MKLN1: variants seen among roughly 807,000 people sequenced by gnomAD.
MKLN1 encodes muskelin 1, also known as muskelin.
Under a neutral mutation model 99.0 loss-of-function variants are expected in MKLN1, and 18 were observed. The ratio of observed to expected loss-of-function variants is 0.18; its 90% CI spans 0.13 to 0.27. MKLN1 has a LOEUF of 0.27. Among genes scored for constraint, MKLN1 ranks in the 10% least tolerant of loss-of-function variants. The pLI is 1.00. For missense variants in MKLN1, 621 were observed against 875.9 expected (o/e 0.71, Z 3.67); for synonymous variants, 288 against 293.2 (o/e 0.98, Z 0.18).
At chr7:131,408,025 G>T (rs993319557) in intron 6 of MKLN1, among the ~76,000 whole-genome samples, 1 of 151,838 alleles carries the variant, frequency 6.6e-6, no homozygotes, top group African/African-American at 2.4e-5. Flanking sequence ...TATTCTCCTA[G>T]GCCTTTTACG....
intron 2 of MKLN1, among the ~76,000 whole-genome samples, chr7:131,174,854 T>C (rs1369725845): frequency 6.6e-6 from 1 of 152,192 alleles, no homozygotes; most frequent in Admixed American, 6.6e-5. Flanking sequence ...AGTAGAGTTA[T>C]AGAACAAGAG....
intron 5 of MKLN1, among the ~76,000 whole-genome samples, chr7:131,398,564 C>T (rs934685563): frequency 7.2e-5 from 11 of 152,096 alleles, no homozygotes; most frequent in African/African-American, 2.2e-4. Context: ...CGTGGTAGCG[C>T]GTGCCTGTAA....
At chr7:131,123,815 A>G (rs973017514) in intron 1 of MKLN1, among the ~76,000 whole-genome samples, 58 of 151,994 alleles carry the variant, frequency 3.8e-4, no homozygotes, top group African/African-American at 1.4e-3. Context: ...TACTTCTTAC[A>G]TAGTACAGTA....
intron 16 of MKLN1, among the ~76,000 whole-genome samples, chr7:131,472,688 C>T (rs557966229): frequency 2.6e-5 from 4 of 152,118 alleles, no homozygotes; most frequent in South Asian, 4.1e-4. Flanking sequence ...CGGTGGCTCA[C>T]GCCTGTAATC....
chr7:131,118,648 G>A (rs7783709), intron 1 of MKLN1, among the ~76,000 whole-genome samples: 8,338 of 152,238 alleles, frequency 0.055, 265 homozygotes, highest in Middle Eastern at 0.082. Flanking sequence ...TCTGTGGGCT[G>A]TACAGGAAGC....
intron 6 of MKLN1, among the ~76,000 whole-genome samples, chr7:131,409,402 AT>A (rs1794805378): frequency 6.6e-6 from 1 of 152,230 alleles, no homozygotes; most frequent in South Asian, 2.1e-4. Context: ...AGTAAAAGCA[AT>A]GCATTTTTTT....
chr7:131,161,084 G>T (rs78994164), intron 2 of MKLN1, among the ~76,000 whole-genome samples: 1 of 152,046 alleles, frequency 6.6e-6, no homozygotes, highest in Admixed American at 6.6e-5. Context: ...ACAATAGATG[G>T]GGAGTGACCA....
intron 3 of MKLN1, among the ~76,000 whole-genome samples, chr7:131,232,401 T>C (rs1338399839): frequency 2.6e-5 from 4 of 152,146 alleles, no homozygotes; most frequent in East Asian, 1.9e-4. Context: ...ACTACACACA[T>C]GAAAAATTTA....
At chr7:131,362,239 G>C (rs1800052117) in intron 1 of MKLN1, among the ~76,000 whole-genome samples, 1 of 151,960 alleles carries the variant, frequency 6.6e-6, no homozygotes, top group African/African-American at 2.4e-5. Flanking sequence ...GAACTATGGA[G>C]TGTACTTACA....
chr7:131,291,101 T>TTTTA (rs58711955), intron 3 of MKLN1, among the ~76,000 whole-genome samples: 27,017 of 134,640 alleles, frequency 0.2, 3,044 homozygotes, highest in African/African-American at 0.28. Context: ...TCTCATTTTA[T>TTTTA]TTTATTTATT....
intron 3 of MKLN1, among the ~76,000 whole-genome samples, chr7:131,241,417 C>T (rs1473590924): frequency 2.7e-5 from 4 of 146,486 alleles, no homozygotes; most frequent in Non-Finnish European, 6.1e-5. Flanking sequence ...AAAAAGAACA[C>T]CTTAGCAGCC....
chr7:131,291,939 T>C (rs1798225378), intron 3 of MKLN1, among the ~76,000 whole-genome samples: 2 of 152,060 alleles, frequency 1.3e-5, no homozygotes, highest in Non-Finnish European at 1.5e-5. Context: ...ACCCTGCCTC[T>C]ACAAAAGAAA....
At position 131,445,789 on chromosome 7, in the gene MKLN1, T is replaced by C; in HGVS notation, c.1411T>C (p.Tyr471His). The C allele has an allele frequency of 1.2e-6, 2 of 1,604,222 alleles. No individual in the cohort carries two copies. Among genetic ancestry groups the C allele is most frequent in the Non-Finnish European group, 1.7e-6 (2 of 1,175,552 alleles). ...MLFHSKNRCLYVFGGQRSKTY... is the reference protein window; with the variant it reads ...MLFHSKNRCLHVFGGQRSKTY... ...TCTTTTTCAGAAAAATCGTTGCTTATATGTATTTGGTGGCCAGCGATCAAA... is the reference window on the plus strand; with the variant it reads ...TCTTTTTCAGAAAAATCGTTGCTTACATGTATTTGGTGGCCAGCGATCAAA... The change falls in exon 12 of 18, where the codon TAT becomes CAT. Residue 471 changes from tyrosine (Y) to histidine (H), a missense_variant. By Grantham distance (83) the Tyr-to-His change is moderately conservative. This residue lies in a region of MKLN1 where 361 missense variants were observed against 540.8 expected (regional missense o/e 0.67). Transcript: ENST00000352689.
intron 15 of MKLN1, among the ~76,000 whole-genome samples, chr7:131,468,998 T>C (rs879905259): frequency 6.6e-6 from 1 of 152,202 alleles, no homozygotes; most frequent in Non-Finnish European, 1.5e-5. Flanking sequence ...GAGAATTGTT[T>C]AGGATACTGG....
At chr7:131,161,161 C>G (rs976299105) in intron 2 of MKLN1, among the ~76,000 whole-genome samples, 52 of 152,164 alleles carry the variant, frequency 3.4e-4, no homozygotes, top group African/African-American at 1.2e-3. Context: ...CCAGGTACTT[C>G]TAAGAGCAGG....
intron 3 of MKLN1, among the ~76,000 whole-genome samples, chr7:131,235,326 GGAGA>G (rs5887502): frequency 7.4e-5 from 11 of 147,936 alleles, no homozygotes; most frequent in South Asian, 2.2e-4. Flanking sequence ...AGAGAGAGAG[GGAGA>G]GAGAGAGAGA....
At chr7:131,384,042 C>T (rs1303698931) in intron 2 of MKLN1, among the ~76,000 whole-genome samples, 1 of 152,194 alleles carries the variant, frequency 6.6e-6, no homozygotes, top group African/African-American at 2.4e-5. Context: ...GCACAAACTG[C>T]ATGATCTGGT....
chr7:131,200,701 G>T (rs1423678946), intron 2 of MKLN1, among the ~76,000 whole-genome samples: 1 of 152,192 alleles, frequency 6.6e-6, no homozygotes, highest in African/African-American at 2.4e-5. Context: ...TTATCTCAAA[G>T]TATTAGCACA....
intron 3 of MKLN1, among the ~76,000 whole-genome samples, chr7:131,265,130 G>A (rs761544610): frequency 5.3e-5 from 8 of 152,080 alleles, no homozygotes; most frequent in Non-Finnish European, 7.4e-5. Context: ...GTGAGCCACC[G>A]CGCCTGTCCT....
Sources: gnomAD v4.1 joint callset for allele counts (sites outside exome capture counted in the v4.1 genomes callset) on GRCh38, gnomAD v4.1.1 for gene constraint, gnomAD v4.1.1 regional missense constraint, MANE v1.5 for transcripts, NCBI Gene and HGNC (gene_info 2026-07-23, HGNC 2026-07-21) for gene names.